The following GORASP2 variants were observed in gnomAD, a reference collection of about 807,000 sequenced individuals.
The protein encoded by GORASP2 is Golgi reassembly-stacking protein 2.
GORASP2 carries 22 observed loss-of-function variants against 45.7 expected under a neutral mutation model. The ratio of observed to expected loss-of-function variants is 0.48; its 90% CI spans 0.34 to 0.69. The LOEUF is 0.69. GORASP2 is among the 30% of genes least tolerant of loss of function. The pLI, the probability that GORASP2 is intolerant of heterozygous loss-of-function variation, is 0.01. For synonymous variants in GORASP2, 221 were observed against 215.6 expected, an observed-to-expected ratio of 1.02 and a Z score of -0.22; for missense variants, 491 against 562.7, an observed-to-expected ratio of 0.87 and a Z score of 1.29.
At chr2:170,954,519 C>CA (rs1553598875) in intron 5 of GORASP2, 131 bp from the exon 6 acceptor site, 2 of 644,078 alleles carry the variant, frequency 3.1e-6, no homozygotes, top group Non-Finnish European at 5.4e-6. Flanking sequence ...TTTAAAATCT[C>CA]AAAGAAGGGA....
At chr2:170,953,278 C>T (rs2723230) in intron 5 of GORASP2, among the ~76,000 whole-genome samples, 4,893 of 152,012 alleles carry the variant, frequency 0.032, 278 homozygotes, top group African/African-American at 0.11. Flanking sequence ...ATTGCTTGAG[C>T]CCAGGAGGCA....
chr2:170,933,959 G>A (rs1703885256), intron 1 of GORASP2, among the ~76,000 whole-genome samples: 1 of 136,136 alleles, frequency 7.3e-6, no homozygotes, highest in East Asian at 2.6e-4. Context: ...TCTCAGAGAA[G>A]CAAGTGACTG....
Position 170,962,846 on chromosome 2 carries a change from G to A in GORASP2, c.918G>A (p.Met306Ile). ...TTTCTGCCTTCTCTTCAGGTCTGAT[G>A]CCTTTACCAGCAGGACTGCCCAACC... The part of the protein sequence containing the change: ...MNPATTLPGL[M>I]PLPAGLPNLP... The change falls in exon 9 of 10, where the codon ATG (methionine) becomes ATA (isoleucine). Residue 306 changes from methionine to isoleucine, a missense_variant. Coordinates refer to ENST00000234160, the MANE Select transcript of GORASP2 (RefSeq NM_015530.5). The A allele has an allele frequency of 3.1e-6, 5 of 1,610,304 alleles. No individual in the cohort carries two copies. Among genetic ancestry groups the A allele is most frequent in the Non-Finnish European group, 4.2e-6 (5 of 1,176,632 alleles).
At chr2:170,929,497 C>T in intron 1 of GORASP2, 94 bp downstream of exon 1, 2 of 1,027,438 alleles carry the variant, frequency 1.9e-6, no homozygotes, top group Non-Finnish European at 2.6e-6. Context: ...CACGGGGCAG[C>T]CAGGCCCGAT....
intron 1 of GORASP2, among the ~76,000 whole-genome samples, chr2:170,934,957 C>G (rs950007651): frequency 6.6e-6 from 1 of 152,124 alleles, no homozygotes. Flanking sequence ...AAGCTGGTCT[C>G]GAACTGCTGA....
intron 1 of GORASP2, among the ~76,000 whole-genome samples, chr2:170,935,428 T>C (rs924474921): frequency 5.3e-5 from 8 of 152,006 alleles, no homozygotes; most frequent in Non-Finnish European, 1.0e-4. Context: ...CTAATTTTTG[T>C]ATTTTTAGTA....
intron 7 of GORASP2, among the ~76,000 whole-genome samples, chr2:170,959,893 C>T (rs1193726983): frequency 7.1e-6 from 1 of 141,068 alleles, no homozygotes. Flanking sequence ...ATGATCTTGG[C>T]TCACTGTAAC....
In GORASP2 at chr2:170,966,049, G is replaced by A; in HGVS notation, c.1278G>A (p.Glu426=). The A allele has an allele frequency of 6.2e-7, 1 of 1,614,066 alleles. No individual in the cohort carries two copies. The highest frequency in any genetic ancestry group is 8.5e-7 in the Non-Finnish European group (1 of 1,179,958). The change falls in exon 10 of 10, where the codon GAG becomes GAA. Residue 426 remains glutamate (E), a synonymous_variant. Coordinates refer to ENST00000234160, the MANE Select transcript of GORASP2 (RefSeq NM_015530.5). ...CTGCCAAGGCCCCCACCACCGTTGA[G>A]GACAGAGTCGGCGACTCCACCCCAG... ...PPTAKAPTTV[E]DRVGDSTPVS... is the part of the protein sequence containing the mutation.
At position 170,950,244 on chromosome 2, in the gene GORASP2, G is replaced by A; in HGVS notation, c.389G>A (p.Arg130Lys). ...SNSPAALAGL[R>K]PHSDYIIGAD... Reference sequence around the variant, plus strand: ...TCTCCTGCAGCACTGGCAGGTCTTAGACCACACAGTGATTATATAATTGGA... The same window carrying A: ...TCTCCTGCAGCACTGGCAGGTCTTAAACCACACAGTGATTATATAATTGGA... Residue 130 changes from arginine (R) to lysine (K), a missense_variant, in exon 4 of 10, where the codon AGA becomes AAA. Coordinates refer to ENST00000234160, the MANE Select transcript of GORASP2 (RefSeq NM_015530.5). 2 of 1,584,676 alleles carry A rather than the reference G, an allele frequency of 1.3e-6. No individual in the cohort carries two copies. Among genetic ancestry groups the A allele is most frequent in the Non-Finnish European group, 1.7e-6 (2 of 1,161,452 alleles).
chr2:170,960,232 C>T (rs962511433), intron 7 of GORASP2, among the ~76,000 whole-genome samples: 10 of 152,150 alleles, frequency 6.6e-5, no homozygotes, highest in African/African-American at 2.2e-4. Flanking sequence ...TGTAAAGTGC[C>T]TCAGTGCCTT....
intron 5 of GORASP2, among the ~76,000 whole-genome samples, chr2:170,953,297 A>C (rs948295510): frequency 1.3e-5 from 2 of 152,112 alleles, no homozygotes; most frequent in Non-Finnish European, 2.9e-5. Context: ...CAGAGGTCGC[A>C]GTGAGCCAAG....
intron 7 of GORASP2, among the ~76,000 whole-genome samples, chr2:170,959,209 G>A (rs975953137): frequency 6.6e-6 from 1 of 152,020 alleles, no homozygotes; most frequent in African/African-American, 2.4e-5. Flanking sequence ...TGATTCACCC[G>A]CCTCAGCCTC....
At chr2:170,943,021 T>G (rs1704112483) in intron 1 of GORASP2, among the ~76,000 whole-genome samples, 1 of 152,250 alleles carries the variant, frequency 6.6e-6, no homozygotes, top group Non-Finnish European at 1.5e-5. Flanking sequence ...TTTACTTTCT[T>G]AATTATACCT....
chr2:170,931,779 A>G (rs1298599168), intron 1 of GORASP2, among the ~76,000 whole-genome samples: 1 of 152,214 alleles, frequency 6.6e-6, no homozygotes, highest in South Asian at 2.1e-4. Flanking sequence ...AAGTTCTGCT[A>G]TGAGCAGTGT....
intron 7 of GORASP2, among the ~76,000 whole-genome samples, chr2:170,960,639 G>A (rs1326450655): frequency 2.6e-5 from 4 of 152,190 alleles, no homozygotes; most frequent in African/African-American, 9.7e-5. Flanking sequence ...TTGCTATTGT[G>A]TGTGACCATT....
chr2:170,960,901 A>G (rs1704542503), intron 7 of GORASP2, among the ~76,000 whole-genome samples: 1 of 152,248 alleles, frequency 6.6e-6, no homozygotes, highest in African/African-American at 2.4e-5. Flanking sequence ...CTGTAAGACA[A>G]AATCTGGAAT....
At chr2:170,963,127 C>T (rs1704603587) in intron 9 of GORASP2, among the ~76,000 whole-genome samples, 181 bp downstream of exon 9, 1 of 152,146 alleles carries the variant, frequency 6.6e-6, no homozygotes, top group African/African-American at 2.4e-5. Flanking sequence ...AATCCCAGCA[C>T]TTTGGGAGGC....
At chr2:170,940,447 A>C (rs1704048888) in intron 1 of GORASP2, among the ~76,000 whole-genome samples, 1 of 152,170 alleles carries the variant, frequency 6.6e-6, no homozygotes, top group Non-Finnish European at 1.5e-5. Flanking sequence ...AGAAAGAGGT[A>C]ATGTGAAATG....
intron 1 of GORASP2, chr2:170,929,969 G>C (rs2723231): frequency 1.5e-5 from 5 of 339,234 alleles, no homozygotes; most frequent in Non-Finnish European, 1.2e-5. Context: ...AAACAGACTT[G>C]ATTTTGACCA....
Sources: gnomAD v4.1 joint callset for allele counts (sites outside exome capture counted in the v4.1 genomes callset) on GRCh38, gnomAD v4.1.1 for gene constraint, MANE v1.5 for transcripts, NCBI Gene and HGNC (gene_info 2026-07-23, HGNC 2026-07-21) for gene names.